The following RC3H1 variants were observed in gnomAD, a reference collection of about 807,000 sequenced individuals.
The protein encoded by RC3H1 is roquin-1.
RC3H1 carries 50 observed loss-of-function variants against 138.2 expected under a neutral mutation model. The ratio of observed to expected loss-of-function variants is 0.36; its 90% CI spans 0.29 to 0.46. The LOEUF is 0.46. Among genes scored for constraint, RC3H1 ranks in the 20% least tolerant of loss-of-function variants. The pLI, the probability that RC3H1 is intolerant of heterozygous loss-of-function variation, is 1.00. For missense variants in RC3H1, 1,031 were observed against 1,388.1 expected, an observed-to-expected ratio of 0.74 and a Z score of 4.09; for synonymous variants, 462 against 489.1, an observed-to-expected ratio of 0.94 and a Z score of 0.73.
chr1:173,974,495 C>T lies in RC3H1; in HGVS notation c.1103-1868G>A, dbSNP rs577324595. On this transcript the variant is annotated intron_variant, in intron 7 of 19. Coordinates refer to ENST00000367696, the MANE Select transcript of RC3H1 (RefSeq NM_172071.4). ...ACACACCACAAAAACTACAAAAGGC[C>T]CTATAATCAAAGAATATTCTGTAAC... is the stretch of plus-strand genomic sequence containing the variant. 9.7e-4 allele frequency among the ~76,000 whole-genome samples: 148 copies of T among 151,808 alleles called. No individual in the cohort carries two copies. The Middle Eastern group carries it at 0.014, about 14-fold the overall frequency.
chr1:173,953,270 A>C (rs1278251605), intron 13 of RC3H1, among the ~76,000 whole-genome samples: 2 of 152,060 alleles, frequency 1.3e-5, no homozygotes, highest in African/African-American at 4.8e-5. Context: ...TGACCTACCA[A>C]TTACAGTGCT....
intron 3 of RC3H1, among the ~76,000 whole-genome samples, chr1:173,983,880 A>T (rs1264035110): frequency 6.6e-6 from 1 of 152,214 alleles, no homozygotes; most frequent in African/African-American, 2.4e-5. Flanking sequence ...CTTAGCATTC[A>T]TTATGACATT....
intron 7 of RC3H1, among the ~76,000 whole-genome samples, chr1:173,973,132 T>A (rs1660435635): frequency 6.6e-6 from 1 of 152,224 alleles, no homozygotes; most frequent in Non-Finnish European, 1.5e-5. Flanking sequence ...AGACCATTGC[T>A]CAGACCAACA....
At chr1:173,947,018 C>T (rs1432765199) in intron 15 of RC3H1, among the ~76,000 whole-genome samples, 182 bp from the exon 16 acceptor site, 1 of 152,094 alleles carries the variant, frequency 6.6e-6, no homozygotes, top group Non-Finnish European at 1.5e-5. Context: ...ATGCTGGGTG[C>T]TGATATATGT....
At chr1:173,973,951 A>G (rs1454420341) in intron 7 of RC3H1, among the ~76,000 whole-genome samples, 3 of 152,214 alleles carry the variant, frequency 2.0e-5, no homozygotes, top group Admixed American at 2.0e-4. Context: ...ATAATAACCA[A>G]GACAAATAAG....
chr1:173,998,795 T>TA (rs200179279), intron 1 of RC3H1, among the ~76,000 whole-genome samples: 1,914 of 152,220 alleles, frequency 0.013, 45 homozygotes, highest in African/African-American at 0.042. Context: ...ATTATCAAAA[T>TA]AAAAAAATTA....
At position 173,932,352 on chromosome 1, in the gene RC3H1, G is replaced by A. The variant is rs1228690488; in HGVS notation, c.*6369C>T. The A allele has an allele frequency of 1.3e-5, 2 of 151,954 alleles. No homozygotes were observed. The highest frequency in any genetic ancestry group is 4.8e-5 in the African/African-American group (2 of 41,380). 9.4% of individuals were successfully genotyped at this position (151,954 alleles called of 1,614,324 possible). A position where few individuals can be genotyped will look rare whatever the true frequency, so the allele number is the denominator to read the frequency against. On this transcript the variant is annotated 3_prime_UTR_variant, in exon 20 of 20. Transcript: ENST00000367696. ...CAAATTACCATAGTCAGAGAAAAAG[G>A]GCAGAAGGGGTAACAAGGGGAAGAC... is the stretch of plus-strand genomic sequence containing the variant.
intron 6 of RC3H1, among the ~76,000 whole-genome samples, chr1:173,980,340 C>CCACTTCTG (rs1660763384): frequency 6.6e-6 from 1 of 150,526 alleles, no homozygotes; most frequent in African/African-American, 2.4e-5. Context: ...AAGTTCAAAT[C>CCACTTCTG]CACTTCTGTC....
intron 6 of RC3H1, among the ~76,000 whole-genome samples, chr1:173,979,283 G>A (rs79237057): frequency 6.6e-6 from 1 of 152,176 alleles, no homozygotes; most frequent in African/African-American, 2.4e-5. Context: ...GAAAATTACT[G>A]TAGGATATAC....
At chr1:173,965,182 A>G in intron 9 of RC3H1, 62 bp from the exon 10 acceptor site, 1 of 1,351,478 alleles carries the variant, frequency 7.4e-7, no homozygotes, top group African/African-American at 1.5e-5. Context: ...AAGAACTAAA[A>G]TGTACTTAAT....
At chr1:173,987,798 C>T (rs912236877) in intron 2 of RC3H1, among the ~76,000 whole-genome samples, 2 of 152,096 alleles carry the variant, frequency 1.3e-5, no homozygotes. Flanking sequence ...ATATAACCAT[C>T]TGTATCCATA....
intron 9 of RC3H1, among the ~76,000 whole-genome samples, chr1:173,968,522 G>A (rs993312714): frequency 5.9e-5 from 9 of 151,898 alleles, no homozygotes; most frequent in Admixed American, 2.0e-4. Context: ...TAGTTTACAC[G>A]AGGGCAATTC....
chr1:173,965,099 G>C lies in RC3H1; in HGVS notation c.1356C>G (p.Arg452=), dbSNP rs748938696. 1 of 1,609,706 alleles carries C rather than the reference G, an allele frequency of 6.2e-7. No individual in the cohort carries two copies. The highest frequency in any genetic ancestry group is 8.5e-7 in the Non-Finnish European group (1 of 1,178,458). ...CACTCAAGGGTCTTCTCGGAACCAG[G>C]CGCTTATTCATTTTACGAAATCTAT... The part of the protein sequence containing the change: ...ELEKFRKMNK[R]LVPRRPLSAS... Residue 452 remains arginine, a synonymous_variant, in exon 10 of 20, where the codon CGC becomes CGG. Coordinates refer to ENST00000367696, the MANE Select transcript of RC3H1 (RefSeq NM_172071.4).
chr1:174,007,654 G>A (rs1289338805), intron 1 of RC3H1, among the ~76,000 whole-genome samples: 8 of 151,928 alleles, frequency 5.3e-5, no homozygotes, highest in Non-Finnish European at 1.2e-4. Flanking sequence ...TGTAGACATG[G>A]GCTATATTGC....
At chr1:173,982,465 T>C (rs552274369) in intron 5 of RC3H1, among the ~76,000 whole-genome samples, 2 of 152,342 alleles carry the variant, frequency 1.3e-5, no homozygotes, top group Non-Finnish European at 2.9e-5. Context: ...AAGAAATTGA[T>C]ATAGTTTCTT....
At chr1:173,975,961 T>C (rs941974101) in intron 7 of RC3H1, among the ~76,000 whole-genome samples, 1 of 142,296 alleles carries the variant, frequency 7.0e-6, no homozygotes, top group Non-Finnish European at 1.5e-5. Context: ...GTTACATAAA[T>C]TATATTTGAA....
In RC3H1 at chr1:173,934,656, G is replaced by A. The variant is rs979497095; in HGVS notation, c.*4065C>T. On this transcript the variant is annotated 3_prime_UTR_variant, in exon 20 of 20. Coordinates refer to ENST00000367696, the MANE Select transcript of RC3H1 (RefSeq NM_172071.4). Reference sequence around the variant, plus strand: ...TACCAGTAGGGCAAATACCACATTTGTGCATCACTGAGTAATAACACCATT... The same window carrying A: ...TACCAGTAGGGCAAATACCACATTTATGCATCACTGAGTAATAACACCATT... The A allele has an allele frequency of 3.3e-5, 5 of 152,100 alleles. No individual in the cohort carries two copies. Among genetic ancestry groups the A allele is most frequent in the African/African-American group, 1.2e-4 (5 of 41,402 alleles). The allele number at this position is 152,100 out of a possible 1,614,324, so 9.4% of individuals were successfully genotyped here.
chr1:174,013,436 T>C (rs1436210944), intron 1 of RC3H1, among the ~76,000 whole-genome samples: 2 of 151,582 alleles, frequency 1.3e-5, no homozygotes, highest in African/African-American at 4.8e-5. Context: ...TGGAATATTA[T>C]TATTATTATA....
chr1:173,939,705 C>T (rs913380505), intron 19 of RC3H1, among the ~76,000 whole-genome samples: 1 of 151,374 alleles, frequency 6.6e-6, no homozygotes, highest in African/African-American at 2.4e-5. Flanking sequence ...TGTGGTGGCA[C>T]GCGCCTGTAG....
Sources: allele counts gnomAD v4.1 joint callset (sites outside exome capture counted in the v4.1 genomes callset), GRCh38; gene constraint gnomAD v4.1.1; transcripts MANE v1.5; gene names NCBI Gene and HGNC (gene_info 2026-07-23, HGNC 2026-07-21).